Variants in CDH23 observed in about 807,000 individuals in gnomAD.
The protein encoded by CDH23 is cadherin-23.
In CDH23, 189 loss-of-function variants were observed where a neutral mutation model predicts 317.1. That is an observed-to-expected ratio of 0.60 (90% CI 0.53 to 0.67). CDH23 has a LOEUF of 0.67. Ranked by LOEUF, CDH23 falls within the 30% of genes least tolerant of loss-of-function variation. The probability of loss-of-function intolerance (pLI) is 0.00; values close to 1 mark genes in which losing one functional copy is unlikely to be tolerated. For missense variants in CDH23, 4,401 were observed against 4,592.4 expected (o/e 0.96, Z 1.20); for synonymous variants, 1,839 against 1,876.8 (o/e 0.98, Z 0.52).
intron 3 of CDH23, among the ~76,000 whole-genome samples, chr10:71,495,566 C>T (rs1852913127): frequency 6.6e-6 from 1 of 151,984 alleles, no homozygotes; most frequent in Non-Finnish European, 1.5e-5. Context: ...GGCACGGTGG[C>T]TCACGCCTGT....
intron 41 of CDH23, among the ~76,000 whole-genome samples, chr10:71,784,013 G>T (rs1717638318): frequency 6.6e-6 from 1 of 152,182 alleles, no homozygotes; most frequent in South Asian, 2.1e-4. Context: ...CCTGCCTGTG[G>T]CCCAGGGAAG....
chr10:71,475,258 C>A (rs61852457), intron 3 of CDH23, among the ~76,000 whole-genome samples: 7 of 152,250 alleles, frequency 4.6e-5, no homozygotes, highest in Admixed American at 1.3e-4. Flanking sequence ...TGCCCAGGAG[C>A]GTCCCTGACC....
chr10:71,804,405 T>C (rs1436334080), intron 55 of CDH23, among the ~76,000 whole-genome samples: 1 of 152,154 alleles, frequency 6.6e-6, no homozygotes, highest in Non-Finnish European at 1.5e-5. Context: ...CCCCCTTTCT[T>C]CTAAGCACAC....
At chr10:71,659,879 T>G (rs1401405005) in intron 14 of CDH23, among the ~76,000 whole-genome samples, 1 of 151,958 alleles carries the variant, frequency 6.6e-6, no homozygotes, top group African/African-American at 2.4e-5. Context: ...AGCAAAGGGA[T>G]AAAGACCGCG....
At chr10:71,641,122 C>T (rs921547547) in intron 11 of CDH23, among the ~76,000 whole-genome samples, 16 of 152,166 alleles carry the variant, frequency 1.1e-4, no homozygotes, top group Non-Finnish European at 1.6e-4. Context: ...TCCAACTGCT[C>T]ACCTTTTTCT....
At chr10:71,778,525 G>A (rs534039670) in intron 40 of CDH23, among the ~76,000 whole-genome samples, 123 of 152,264 alleles carry the variant, frequency 8.1e-4, no homozygotes, top group Middle Eastern at 3.4e-3. Flanking sequence ...TCAGACAAGT[G>A]ACAATACCTG....
At chr10:71,587,219 A>G (rs1859136834) in intron 9 of CDH23, among the ~76,000 whole-genome samples, 1 of 151,910 alleles carries the variant, frequency 6.6e-6, no homozygotes. Context: ...TAAAACTCAC[A>G]TTTTTTTTCC....
chr10:71,733,343 C>T (rs554802837), intron 32 of CDH23, among the ~76,000 whole-genome samples: 1 of 152,318 alleles, frequency 6.6e-6, no homozygotes, highest in East Asian at 1.9e-4. Flanking sequence ...TCAGGGATGT[C>T]TATGGAGGCT....
At chr10:71,511,361 A>G in intron 6 of CDH23, 149 bp downstream of exon 6, 2 of 747,746 alleles carry the variant, frequency 2.7e-6, no homozygotes, top group Non-Finnish European at 4.7e-6. Context: ...CAGGTTGGCG[A>G]ACATGCTGGT....
intron 38 of CDH23, among the ~76,000 whole-genome samples, chr10:71,768,302 C>G (rs1299258584): frequency 6.6e-6 from 1 of 152,148 alleles, no homozygotes; most frequent in Non-Finnish European, 1.5e-5. Flanking sequence ...TCCCGAGTAG[C>G]TGGGACTACA....
rs1168840921 is a variant in CDH23 at position 71,712,832 on chromosome 10, C to T, written c.3369+19C>T. 6.2e-7 allele frequency: 1 copy of T among 1,607,172 alleles called. No homozygotes were observed. The highest frequency in any genetic ancestry group is 1.1e-5 in the South Asian group (1 of 89,834). ...CTTGCAGGCAGGTGGCCCGTGGCCT[C>T]TGGGGCAGGTGGTGGGCTGGGGGAG... On this transcript the variant is annotated intron_variant, in intron 28 of 69. Coordinates refer to ENST00000224721, the MANE Select transcript of CDH23 (RefSeq NM_022124.6).
chr10:71,504,641 G>A (rs901925478), intron 3 of CDH23, among the ~76,000 whole-genome samples: 1 of 152,210 alleles, frequency 6.6e-6, no homozygotes, highest in Non-Finnish European at 1.5e-5. Flanking sequence ...CCCCATGAGG[G>A]TAGGAGAGGC....
At chr10:71,755,647 G>C (rs959201674) in intron 38 of CDH23, among the ~76,000 whole-genome samples, 4 of 152,114 alleles carry the variant, frequency 2.6e-5, no homozygotes, top group Non-Finnish European at 5.9e-5. Flanking sequence ...CTTTCAAAGA[G>C]AGCCCTGTGC....
Position 71,712,826 on chromosome 10 carries a change from T to C in CDH23, c.3369+13T>C. The stretch of plus-strand genomic sequence containing the variant: ...CAGCATCTTGCAGGCAGGTGGCCCG[T>C]GGCCTCTGGGGCAGGTGGTGGGCTG... On this transcript the variant is annotated intron_variant, in intron 28 of 69. Coordinates refer to ENST00000224721, the MANE Select transcript of CDH23 (RefSeq NM_022124.6). The C allele has an allele frequency of 2.5e-6, 4 of 1,608,552 alleles. No individual in the cohort carries two copies. Among genetic ancestry groups the C allele is most frequent in the Non-Finnish European group, 8.5e-7 (1 of 1,177,944 alleles).
chr10:71,716,011 G>C (rs372569998), intron 28 of CDH23: 1 of 1,500,722 alleles, frequency 6.7e-7, no homozygotes, highest in Non-Finnish European at 8.9e-7. Flanking sequence ...GTCGAGGGAC[G>C]GTGGGCCGGC....
intron 1 of CDH23, among the ~76,000 whole-genome samples, chr10:71,415,947 C>A (rs951287144): frequency 5.3e-5 from 8 of 152,202 alleles, no homozygotes; most frequent in African/African-American, 1.9e-4. Flanking sequence ...CATTGTCCCA[C>A]AAGAATAGTG....
intron 1 of CDH23, among the ~76,000 whole-genome samples, chr10:71,430,233 A>G (rs10740379): frequency 0.31 from 46,371 of 151,394 alleles, 7,217 homozygotes; most frequent in Middle Eastern, 0.45. Context: ...ATTCTTGTCC[A>G]TGTGCCCAGC....
chr10:71,438,157 A>G (rs1275167505), intron 1 of CDH23, among the ~76,000 whole-genome samples: 2 of 152,082 alleles, frequency 1.3e-5, no homozygotes, highest in Non-Finnish European at 2.9e-5. Flanking sequence ...CCTGACCAAC[A>G]TGGTGAAACC....
intron 11 of CDH23, among the ~76,000 whole-genome samples, chr10:71,619,338 C>A (rs537423239): frequency 1.3e-3 from 199 of 150,374 alleles, no homozygotes; most frequent in Middle Eastern, 7.0e-3. Flanking sequence ...AAAAAAAAAA[C>A]CCCAAAAAAC....
Sources: gnomAD v4.1 joint callset for allele counts (sites outside exome capture counted in the v4.1 genomes callset) on GRCh38, gnomAD v4.1.1 for gene constraint, MANE v1.5 for transcripts, NCBI Gene and HGNC (gene_info 2026-07-23, HGNC 2026-07-21) for gene names.